The following PSME4 variants were observed in gnomAD, a reference collection of about 807,000 sequenced individuals.
The protein encoded by PSME4 is proteasome activator complex subunit 4.
PSME4 carries 89 observed loss-of-function variants against 253.9 expected under a neutral mutation model. That is an observed-to-expected ratio of 0.35 (90% CI 0.30 to 0.42). The LOEUF (loss-of-function observed/expected upper bound fraction) is 0.42, where lower values mean the gene tolerates loss of function less well. Ranked by LOEUF, PSME4 falls within the 10% of genes least tolerant of loss-of-function variation. The pLI is 1.00. For missense variants in PSME4, 2,014 were observed against 2,195.2 expected (o/e 0.92, Z 1.65); for synonymous variants, 851 against 759.2 (o/e 1.12, Z -1.99).
chr2:53,896,921 AG>A (rs1213801474), intron 31 of PSME4, 36 bp from the exon 32 acceptor site: 1 of 1,478,266 alleles, frequency 6.8e-7, no homozygotes, highest in South Asian at 1.1e-5. Flanking sequence ...CATAAAAAAA[AG>A]TTTAAATCAC....
chr2:53,901,268 GA>G, intron 28 of PSME4, 81 bp downstream of exon 28: 5 of 1,288,714 alleles, frequency 3.9e-6, no homozygotes, highest in Admixed American at 1.9e-5. Context: ...ATTATTACTG[GA>G]AAAAGGGCAA....
chr2:53,868,589 AATAT>A (rs542187105), intron 44 of PSME4, among the ~76,000 whole-genome samples: 1 of 132,562 alleles, frequency 7.5e-6, no homozygotes, highest in Non-Finnish European at 1.6e-5. Context: ...ATATATTTAT[AATAT>A]ATATATAATA....
chr2:53,962,795 G>A (rs1339465980), intron 1 of PSME4, among the ~76,000 whole-genome samples: 3 of 152,006 alleles, frequency 2.0e-5, no homozygotes, highest in Non-Finnish European at 4.4e-5. Context: ...GGCGGATCAT[G>A]AGGTCTGGAG....
chr2:53,869,363 C>T lies in PSME4; in HGVS notation c.5263+13G>A, dbSNP rs1168401212. The T allele has an allele frequency of 5.7e-6, 9 of 1,591,450 alleles. No homozygotes were observed. Among genetic ancestry groups the T allele is most frequent in the South Asian group, 2.3e-5 (2 of 88,722 alleles). On this transcript the variant is annotated intron_variant, in intron 44 of 46. Coordinates refer to ENST00000404125, the MANE Select transcript of PSME4 (RefSeq NM_014614.3). ...CCCAATAGGATACAGGTGTTTCCTA[C>T]CAGCAATGTTACCTGCAGAAGGAAT...
At chr2:53,940,956 T>TTTAAATATATATATATATACATATTTAA (rs1553338431) in intron 3 of PSME4, among the ~76,000 whole-genome samples, 1 of 38,272 alleles carries the variant, frequency 2.6e-5, no homozygotes, top group Non-Finnish European at 5.8e-5. Context: ...TATATACATA[T>TTTAAATATATATATATATACATATTTAA]ATATATATAT....
At chr2:53,954,292 C>T (rs763184349) in intron 1 of PSME4, among the ~76,000 whole-genome samples, 4 of 151,156 alleles carry the variant, frequency 2.6e-5, no homozygotes, top group Non-Finnish European at 5.9e-5. Flanking sequence ...CTCGCTGCTG[C>T]ACTCCAGCCT....
At chr2:53,932,212 T>C (rs1292301548) in intron 9 of PSME4, 112 bp from the exon 10 acceptor site, 2 of 986,586 alleles carry the variant, frequency 2.0e-6, no homozygotes, top group Non-Finnish European at 3.0e-6. Flanking sequence ...GTTCTTATTA[T>C]CTTATTACAA....
chr2:53,937,789 G>C (rs1222875946), intron 4 of PSME4, among the ~76,000 whole-genome samples: 1 of 152,076 alleles, frequency 6.6e-6, no homozygotes, highest in South Asian at 2.1e-4. Flanking sequence ...CTTGAGCCCA[G>C]GAGTTCAAGA....
intron 2 of PSME4, among the ~76,000 whole-genome samples, chr2:53,948,845 G>A (rs557496786): frequency 6.6e-6 from 1 of 152,194 alleles, no homozygotes; most frequent in Non-Finnish European, 1.5e-5. Context: ...TGAGTTGGAT[G>A]CTTCAGGGTA....
At chr2:53,936,603 G>T (rs569766464) in intron 6 of PSME4, among the ~76,000 whole-genome samples, 161 bp downstream of exon 6, 1 of 148,898 alleles carries the variant, frequency 6.7e-6, no homozygotes, top group East Asian at 2.0e-4. Flanking sequence ...ATATAAAATT[G>T]AAAAGAAACT....
intron 36 of PSME4, among the ~76,000 whole-genome samples, chr2:53,890,589 G>A (rs1679859854): frequency 1.3e-5 from 2 of 152,194 alleles, no homozygotes; most frequent in African/African-American, 4.8e-5. Context: ...TTATAGGCAT[G>A]AGCTAGCATG....
At position 53,940,006 on chromosome 2, in the gene PSME4, G is replaced by T. The variant is rs749791465; in HGVS notation, c.501-6C>A. ...TGAGAATATTTTCTACAGAACTGGG[G>T]GGGGAAAGCCATTTGATAATTAGAT... On this transcript the variant is annotated splice_region_variant and splice_polypyrimidine_tract_variant and intron_variant, in intron 3 of 46. Coordinates refer to ENST00000404125, the MANE Select transcript of PSME4 (RefSeq NM_014614.3). 4.5e-5 allele frequency: 71 copies of T among 1,568,904 alleles called. No homozygotes were observed. Among genetic ancestry groups the T allele is most frequent in the Non-Finnish European group, 6.2e-5 (71 of 1,148,266 alleles).
chr2:53,918,780 A>T (rs114402286), intron 20 of PSME4, among the ~76,000 whole-genome samples: 1,888 of 152,254 alleles, frequency 0.012, 45 homozygotes, highest in African/African-American at 0.044. Context: ...CTTTTTTTTT[A>T]AAGTTTTTTG....
In PSME4 at chr2:53,864,692, T is replaced by G. The variant is rs887176559; in HGVS notation, c.*886A>C. ...CAAATCAATTAAATATTAAGCCTTA[T>G]TAGTCTCTCAACGATTCTGCAGGCA... On this transcript the variant is annotated 3_prime_UTR_variant, in exon 47 of 47. Transcript: ENST00000404125. 6.6e-6 allele frequency: 1 copy of G among 152,594 alleles called. No homozygotes were observed. Among genetic ancestry groups the G allele is most frequent in the Admixed American group, 6.5e-5 (1 of 15,280 alleles). The allele number at this position is 152,594 out of a possible 1,614,324, so 9.5% of individuals were successfully genotyped here.
At chr2:53,960,178 T>A (rs1670418263) in intron 1 of PSME4, among the ~76,000 whole-genome samples, 1 of 151,988 alleles carries the variant, frequency 6.6e-6, no homozygotes, top group African/African-American at 2.4e-5. Context: ...GGCAGGTGGA[T>A]CACTTGAAGT....
rs1667757401 is a variant in PSME4 at position 53,909,983 on chromosome 2, A to T, written c.2572+92T>A. The T allele has an allele frequency of 2.7e-6, 3 of 1,120,568 alleles. No individual in the cohort carries two copies. In the Admixed American group the frequency reaches 5.1e-5, roughly 19 times the overall value. 69.4% of individuals were successfully genotyped at this position (1,120,568 alleles called of 1,614,324 possible). ...AGACTCTGTCTCAAAACAAAACAAAACAAAAACACTACTTCATACTTCATT... is the reference window on the plus strand; with the variant it reads ...AGACTCTGTCTCAAAACAAAACAAATCAAAAACACTACTTCATACTTCATT... On this transcript the variant is annotated intron_variant, in intron 21 of 46. Transcript: ENST00000404125.
intron 34 of PSME4, among the ~76,000 whole-genome samples, chr2:53,894,608 T>C (rs1680058577): frequency 6.6e-6 from 1 of 152,162 alleles, no homozygotes; most frequent in South Asian, 2.1e-4. Flanking sequence ...TAAATGAAGT[T>C]TAAGGAGTTT....
At chr2:53,877,986 T>C (rs1455348462) in intron 41 of PSME4, among the ~76,000 whole-genome samples, 1 of 152,148 alleles carries the variant, frequency 6.6e-6, no homozygotes, top group Non-Finnish European at 1.5e-5. Flanking sequence ...ATCGGGATGT[T>C]TAATATCATA....
intron 12 of PSME4, among the ~76,000 whole-genome samples, chr2:53,926,834 C>G (rs1393755895): frequency 6.6e-6 from 1 of 151,624 alleles, no homozygotes; most frequent in Non-Finnish European, 1.5e-5. Context: ...ATTAGCCAGG[C>G]ATGGTGGTGC....
Sources: gnomAD v4.1 joint callset for allele counts (sites outside exome capture counted in the v4.1 genomes callset) on GRCh38, gnomAD v4.1.1 for gene constraint, MANE v1.5 for transcripts, NCBI Gene and HGNC (gene_info 2026-07-23, HGNC 2026-07-21) for gene names.